Variants in SLC35A2 observed in about 807,000 individuals in gnomAD.
The protein encoded by SLC35A2 is UDP-galactose translocator.
A neutral mutation model predicts 17.3 loss-of-function variants in SLC35A2; 1 was observed. That is an observed-to-expected ratio of 0.06 (90% confidence interval 0.02 to 0.27). The LOEUF is 0.27. Among genes scored for constraint, SLC35A2 ranks in the 10% least tolerant of loss-of-function variants. SLC35A2 has a pLI of 1.00. For synonymous variants in SLC35A2, 161 were observed against 161.3 expected (o/e 1.00, Z 0.01); for missense variants, 191 against 339.3 (o/e 0.56, Z 3.43).
chrX:48,903,269 G>T lies in SLC35A2; in HGVS notation c.*169C>A. 1.2e-6 allele frequency: 1 copy of T among 819,507 alleles called. No individual in the cohort carries two copies. Among genetic ancestry groups the T allele is most frequent in the Admixed American group, 2.6e-5 (1 of 37,834 alleles). The allele number at this position is 819,507 out of a possible 1,213,427, so 67.5% of individuals were successfully genotyped here. On this transcript the variant is annotated 3_prime_UTR_variant, in exon 5 of 5. Coordinates refer to ENST00000247138, the MANE Select transcript of SLC35A2 (RefSeq NM_005660.3). ...GGGGCTGGGGGGCTGAGCTGAGGTG[G>T]GTCATGAGAGAGCTTAGTCATGTTG...
Position 48,906,521 on chromosome X carries a change from G to A in SLC35A2, c.297C>T (p.Leu99=). 1 of 1,211,804 alleles carries A rather than the reference G, an allele frequency of 8.3e-7. No individual in the cohort carries two copies. The highest frequency in any genetic ancestry group is 1.1e-6 in the Non-Finnish European group (1 of 895,320). Residue 99 remains leucine, a synonymous_variant, in exon 3 of 5, where the codon CTC becomes CTT. Coordinates refer to ENST00000247138, the MANE Select transcript of SLC35A2 (RefSeq NM_005660.3). ...QKRGNVKHLV[L]FLHEAVLVQY... ...GCACCAGGACAGCCTCATGGAGGAA[G>A]AGAACCAGGTGCTTCACGTTACCTA...
At chrX:48,909,543 G>A (rs782742251) in intron 2 of SLC35A2, among the ~76,000 whole-genome samples, 27 of 112,860 alleles carry the variant, frequency 2.4e-4, no homozygotes, top group Non-Finnish European at 3.8e-4. Context: ...GCATGTATTC[G>A]GAATTCTCCA....
intron 3 of SLC35A2, 75 bp downstream of exon 3, chrX:48,906,317 C>G (rs1411140942): frequency 1.0e-6 from 1 of 981,250 alleles, no homozygotes; most frequent in African/African-American, 1.9e-5. Flanking sequence ...GCAACACCCC[C>G]CCACCACGCT....
intron 4 of SLC35A2, chrX:48,904,385 C>T (rs1557042458): frequency 1.2e-5 from 13 of 1,075,389 alleles, no homozygotes; most frequent in East Asian, 3.4e-5. Context: ...CTCTCCCAGA[C>T]GAGAAACCTC....
chrX:48,911,762 T>G (rs2063538237), upstream of SLC35A2: 1 of 1,161,749 alleles, frequency 8.6e-7, no homozygotes, highest in South Asian at 1.9e-5. Flanking sequence ...GTGGCTTTTC[T>G]CCTCCGCTCC....
At chrX:48,906,288 G>A in intron 3 of SLC35A2, 104 bp downstream of exon 3, 1 of 745,492 alleles carries the variant, frequency 1.3e-6, no homozygotes, top group Non-Finnish European at 2.0e-6. Flanking sequence ...TTCTGAAGGT[G>A]ACATAGCCCC....
rs1387443482 is a variant in SLC35A2, at chrX:48,904,812, C to T, written c.1097G>A (p.Gly366Glu). 3 of 1,209,663 alleles carry T rather than the reference C, an allele frequency of 2.5e-6. No homozygotes were observed. The highest frequency in any genetic ancestry group is 3.5e-5 in the African/African-American group (2 of 57,199). Residue 366 changes from glycine (G) to glutamate (E), a missense_variant, in exon 4 of 5, where the codon GGG (glycine) becomes GAG (glutamate). By Grantham distance (98) the Gly-to-Glu change is moderately conservative. Coordinates refer to ENST00000247138, the MANE Select transcript of SLC35A2 (RefSeq NM_005660.3). ...SGPCVHQQPP[G>E]QPPPPQLSSH... ...AGACAGCTGCGGTGGTGGTGGCTGC[C>T]CGGGAGGCTGCTGGTGAACGCAGGG...
At position 48,903,973 on chromosome X, in the gene SLC35A2, A is replaced by G. The variant is rs782348938; in HGVS notation, c.1164-508T>C. On this transcript the variant is annotated intron_variant, in intron 4 of 4. Coordinates refer to ENST00000247138, the MANE Select transcript of SLC35A2 (RefSeq NM_005660.3). ...AATAAGCCTACATCTGGCAACTGAC[A>G]GTGTCTTAAATACAATGAGATTCAG... The G allele has an allele frequency of 7.2e-5, 55 of 759,670 alleles. No individual in the cohort carries two copies. In the South Asian group the frequency reaches 3.2e-3, roughly 44 times the overall value. 62.6% of individuals were successfully genotyped at this position (759,670 alleles called of 1,213,427 possible). A position where few individuals can be genotyped will look rare whatever the true frequency, so the allele number is the denominator to read the frequency against.
At chrX:48,903,770 GCA>G in intron 4 of SLC35A2, 11 of 920,064 alleles carry the variant, frequency 1.2e-5, no homozygotes, top group East Asian at 6.2e-5. Flanking sequence ...CATCTTCCAT[GCA>G]CACACACACC....
chrX:48,911,284 G>A (rs1422197862), intron 1 of SLC35A2, among the ~76,000 whole-genome samples: 1 of 111,078 alleles, frequency 9.0e-6, no homozygotes, highest in Non-Finnish European at 1.9e-5. Flanking sequence ...TATTCAGAAT[G>A]GTTTCGGTGG....
intron 2 of SLC35A2, among the ~76,000 whole-genome samples, chrX:48,908,435 C>A (rs2063508273): frequency 9.0e-6 from 1 of 111,000 alleles, no homozygotes; most frequent in African/African-American, 3.3e-5. Context: ...TCTTTTAAGT[C>A]ACAGCTGGGT....
At chrX:48,903,795 A>G in intron 4 of SLC35A2, 1 of 871,762 alleles carries the variant, frequency 1.1e-6, no homozygotes, top group Non-Finnish European at 1.4e-6. Context: ...GCCCCGATAC[A>G]GTTAAGGGGT....
At chrX:48,911,417 T>TAC in intron 1 of SLC35A2, 129 bp downstream of exon 1, 2 of 819,735 alleles carry the variant, frequency 2.4e-6, no homozygotes, top group Non-Finnish European at 3.5e-6. Context: ...ACTGACAATG[T>TAC]GCACACACAC....
chrX:48,909,835 G>A lies in SLC35A2; in HGVS notation c.253C>T (p.Leu85=), dbSNP rs782113844. The change falls in exon 2 of 5, where the codon CTG becomes TTG. Residue 85 remains leucine (L), a synonymous_variant. Transcript: ENST00000247138. ...EVLKGLTCLL[L]LFAQKRGNVK... ...GTACCCCTCTTCTGTGCGAAGAGCA[G>A]CAGCAGGCAGGTGAGACCTTTGAGC... 9 of 1,208,311 alleles carry A rather than the reference G, an allele frequency of 7.4e-6. No homozygotes were observed. Among genetic ancestry groups the A allele is most frequent in the Admixed American group, 4.4e-5 (2 of 45,666 alleles).
At chrX:48,909,742 T>C (rs1197565587) in intron 2 of SLC35A2, 72 bp downstream of exon 2, 26 of 946,543 alleles carry the variant, frequency 2.7e-5, no homozygotes, top group Non-Finnish European at 3.8e-5. Flanking sequence ...GCAAACCATC[T>C]GTGTGAACAC....
chrX:48,907,827 G>A (rs969367198), intron 2 of SLC35A2, among the ~76,000 whole-genome samples: 2 of 110,915 alleles, frequency 1.8e-5, no homozygotes, highest in Admixed American at 9.6e-5. Flanking sequence ...TTCGAGACCA[G>A]GCTGGCCAAC....
chrX:48,911,897 G>C (rs2147501345), upstream of SLC35A2: 1 of 1,165,653 alleles, frequency 8.6e-7, no homozygotes, highest in Non-Finnish European at 1.1e-6. Context: ...CCTGTCACTA[G>C]ACCCGCCTTA....
At chrX:48,911,668 AC>A, upstream of SLC35A2, 4 of 1,156,485 alleles carry the variant, frequency 3.5e-6, no homozygotes, top group Non-Finnish European at 4.6e-6. Flanking sequence ...CCCCTCGGCA[AC>A]AGAAAAACCA....
chrX:48,908,588 G>T (rs374174041), intron 2 of SLC35A2, among the ~76,000 whole-genome samples: 16 of 111,552 alleles, frequency 1.4e-4, no homozygotes, highest in South Asian at 7.5e-4. Flanking sequence ...GGGAGAGAGG[G>T]GTGCTGAAAT....
Sources: gnomAD v4.1 joint callset for allele counts (sites outside exome capture counted in the v4.1 genomes callset) on GRCh38, gnomAD v4.1.1 for gene constraint, MANE v1.5 for transcripts, NCBI Gene and HGNC (gene_info 2026-07-23, HGNC 2026-07-21) for gene names.